POT1: variants seen among roughly 807,000 people sequenced by gnomAD.
The protein encoded by POT1 is protection of telomeres 1.
POT1 carries 47 observed loss-of-function variants against 78.5 expected under a neutral mutation model. The ratio of observed to expected loss-of-function variants is 0.60; its 90% CI spans 0.47 to 0.76. POT1 has a LOEUF of 0.76. Among genes scored for constraint, POT1 ranks in the 30% least tolerant of loss-of-function variants. The pLI is 0.00. For missense variants in POT1, 646 were observed against 749.9 expected (o/e 0.86, Z 1.62); for synonymous variants, 259 against 260.7 (o/e 0.99, Z 0.06).
Position 124,822,731 on chromosome 7 carries a change from G to A in POT1, c.*1231C>T, listed in dbSNP as rs1187531098. 3.6e-5 allele frequency: 9 copies of A among 250,428 alleles called. No homozygotes were observed. The highest frequency in any genetic ancestry group is 3.5e-5 in the Non-Finnish European group (4 of 113,154). 15.5% of individuals were successfully genotyped at this position (250,428 alleles called of 1,614,324 possible). ...ATTGTCTCAAACAAGCTGATAAGTC[G>A]ATGATGGGGGACATTGGTAGTTAGG... On this transcript the variant is annotated 3_prime_UTR_variant, in exon 19 of 19. Transcript: ENST00000357628.
chr7:124,889,166 T>C (rs1327270677), intron 6 of POT1, among the ~76,000 whole-genome samples: 1 of 152,040 alleles, frequency 6.6e-6, no homozygotes, highest in African/African-American at 2.4e-5. Context: ...AGTGAACACA[T>C]GAATGAGAAG....
chr7:124,883,841 A>T (rs928380185), intron 6 of POT1, among the ~76,000 whole-genome samples: 8 of 151,878 alleles, frequency 5.3e-5, no homozygotes, highest in Non-Finnish European at 1.2e-4. Flanking sequence ...AGATTAAATA[A>T]TTATTACATA....
At chr7:124,840,562 G>A (rs1795002110) in intron 14 of POT1, 1 of 152,010 alleles carries the variant, frequency 6.6e-6, no homozygotes, top group Non-Finnish European at 1.5e-5. Flanking sequence ...TGTTTCAATG[G>A]TCTCTTCTTT....
At chr7:124,840,821 C>T in intron 14 of POT1, 152 bp downstream of exon 14, 1 of 537,408 alleles carries the variant, frequency 1.9e-6, no homozygotes, top group Non-Finnish European at 3.2e-6. Context: ...TATATTTGAA[C>T]CTAGTTAACA....
chr7:124,890,202 A>T (rs1471521046), intron 6 of POT1, among the ~76,000 whole-genome samples: 1 of 151,974 alleles, frequency 6.6e-6, no homozygotes, highest in Non-Finnish European at 1.5e-5. Context: ...GGTGGAATTA[A>T]GTCACTGCAG....
At chr7:124,847,232 C>T (rs539145869) in intron 11 of POT1, among the ~76,000 whole-genome samples, 8 of 152,334 alleles carry the variant, frequency 5.3e-5, no homozygotes, top group East Asian at 3.9e-4. Flanking sequence ...CAGTGGCTCA[C>T]GCCTATAATC....
chr7:124,827,192 C>T (rs1262461387), intron 17 of POT1, 22 bp downstream of exon 17: 4 of 1,307,708 alleles, frequency 3.1e-6, no homozygotes, highest in Non-Finnish European at 4.1e-6. Flanking sequence ...TTAAAAATAT[C>T]TTTATTACCT....
intron 2 of POT1, among the ~76,000 whole-genome samples, chr7:124,918,782 G>A (rs7784285): frequency 0.3 from 45,098 of 151,882 alleles, 6,784 homozygotes; most frequent in South Asian, 0.4. Flanking sequence ...TTAAGGAAAT[G>A]AGGTTTCTCT....
At chr7:124,914,784 C>A (rs971762124) in intron 3 of POT1, among the ~76,000 whole-genome samples, 23 of 152,136 alleles carry the variant, frequency 1.5e-4, no homozygotes, top group Non-Finnish European at 8.8e-5. Context: ...AATATTTTGC[C>A]ATTTTATATA....
At chr7:124,849,474 T>C (rs1264677386) in intron 11 of POT1, among the ~76,000 whole-genome samples, 4 of 152,176 alleles carry the variant, frequency 2.6e-5, no homozygotes, top group Non-Finnish European at 4.4e-5. Flanking sequence ...AAATTACATA[T>C]AGTGTTAACT....
At chr7:124,883,314 C>T (rs1420697510) in intron 6 of POT1, among the ~76,000 whole-genome samples, 1 of 151,784 alleles carries the variant, frequency 6.6e-6, no homozygotes, top group East Asian at 1.9e-4. Context: ...TAGAGTTTTA[C>T]CAATTGGGGA....
At chr7:124,896,187 C>T (rs1192053740) in intron 5 of POT1, among the ~76,000 whole-genome samples, 1 of 151,576 alleles carries the variant, frequency 6.6e-6, no homozygotes, top group African/African-American at 2.4e-5. Context: ...TAAAAACAAG[C>T]ATCTTTTGAT....
chr7:124,876,827 C>T (rs1325089852), intron 6 of POT1, among the ~76,000 whole-genome samples: 4 of 152,168 alleles, frequency 2.6e-5, no homozygotes, highest in African/African-American at 7.2e-5. Flanking sequence ...CAAAAATATT[C>T]TACTGACTGT....
chr7:124,856,147 A>G (rs539598648), intron 9 of POT1, among the ~76,000 whole-genome samples: 12 of 152,256 alleles, frequency 7.9e-5, no homozygotes, highest in African/African-American at 2.9e-4. Context: ...TCCTGTTTCT[A>G]TACAACAAAA....
At chr7:124,838,721 T>G (rs1387124641) in intron 14 of POT1, among the ~76,000 whole-genome samples, 4 of 152,058 alleles carry the variant, frequency 2.6e-5, no homozygotes, top group Admixed American at 2.6e-4. Flanking sequence ...TTCTACTGCC[T>G]CAGCCTCCCG....
intron 3 of POT1, among the ~76,000 whole-genome samples, chr7:124,914,560 C>T (rs575877820): frequency 6.6e-6 from 1 of 152,134 alleles, no homozygotes; most frequent in Non-Finnish European, 1.5e-5. Flanking sequence ...CCTGTATCTG[C>T]AAGTTTTGCA....
intron 12 of POT1, among the ~76,000 whole-genome samples, chr7:124,845,459 T>C (rs1307661479): frequency 6.6e-6 from 1 of 152,196 alleles, no homozygotes; most frequent in Non-Finnish European, 1.5e-5. Context: ...TAAGTGATAC[T>C]GTATGCTTCT....
chr7:124,823,818 G>T lies in POT1; in HGVS notation c.*144C>A. 1 of 615,840 alleles carries T rather than the reference G, an allele frequency of 1.6e-6. No homozygotes were observed. The allele number at this position is 615,840 out of a possible 1,614,324, so 38.1% of individuals were successfully genotyped here. ...TTACCTTGCACCCAGTAAAAGCCAA[G>T]AGATTTAAGGTAAGGACATTTTCTA... On this transcript the variant is annotated 3_prime_UTR_variant, in exon 19 of 19. Coordinates refer to ENST00000357628, the MANE Select transcript of POT1 (RefSeq NM_015450.3).
At position 124,844,789 on chromosome 7, in the gene POT1, T is replaced by C. The variant is rs1038921756; in HGVS notation, c.1007-1826A>G. On this transcript the variant is annotated intron_variant, in intron 12 of 18. Coordinates refer to ENST00000357628, the MANE Select transcript of POT1 (RefSeq NM_015450.3). Reference sequence around the variant, plus strand: ...GCAGACCTGATCAATTTAGTGTACATTGCTACACAGTGATAAGAGCAATTG... The same window carrying C: ...GCAGACCTGATCAATTTAGTGTACACTGCTACACAGTGATAAGAGCAATTG... 1.5e-4 allele frequency among the ~76,000 whole-genome samples: 22 copies of C among 150,024 alleles called. 1 individual carries two copies. The highest frequency in any genetic ancestry group is 1.5e-3 in the Admixed American group (22 of 15,114).
Sources: allele counts gnomAD v4.1 joint callset (sites outside exome capture counted in the v4.1 genomes callset), GRCh38; gene constraint gnomAD v4.1.1; transcripts MANE v1.5; gene names NCBI Gene and HGNC (gene_info 2026-07-23, HGNC 2026-07-21).